NYAP2: variants seen among roughly 807,000 people sequenced by gnomAD.
NYAP2 encodes neuronal tyrosine-phosphorylated phosphoinositide-3-kinase adaptor 2.
A neutral mutation model predicts 50.4 loss-of-function variants in NYAP2; 23 were observed. That is an observed-to-expected ratio of 0.46 (90% CI 0.33 to 0.65). The LOEUF is 0.65. NYAP2 is among the 30% of genes least tolerant of loss of function. The pLI is 0.02. For missense variants in NYAP2, 885 were observed against 861.0 expected, an observed-to-expected ratio of 1.03 and a Z score of -0.35; for synonymous variants, 394 against 365.2, an observed-to-expected ratio of 1.08 and a Z score of -0.90.
At chr2:225,414,416 G>T (rs1029998367) in intron 3 of NYAP2, among the ~76,000 whole-genome samples, 1 of 152,088 alleles carries the variant, frequency 6.6e-6, no homozygotes, top group Non-Finnish European at 1.5e-5. Context: ...TGTTAAATGA[G>T]ATTTACTTTT....
chr2:225,409,225 CAT>C (rs1694991719), intron 3 of NYAP2, 124 bp downstream of exon 3: 1 of 639,338 alleles, frequency 1.6e-6, no homozygotes, highest in African/African-American at 1.9e-5. Context: ...TTGGTGAGAG[CAT>C]ATGAAAGCGA....
At chr2:225,655,941 C>CACAT (rs1209890741), downstream of NYAP2, among the ~76,000 whole-genome samples, 11 of 149,930 alleles carry the variant, frequency 7.3e-5, no homozygotes, top group Non-Finnish European at 3.0e-5. Flanking sequence ...CACACATACA[C>CACAT]ACACACACAC....
At chr2:225,565,108 G>A (rs1691939805) in intron 4 of NYAP2, among the ~76,000 whole-genome samples, 1 of 151,086 alleles carries the variant, frequency 6.6e-6, no homozygotes, top group Non-Finnish European at 1.5e-5. Flanking sequence ...TCCAGACTGA[G>A]CGACAGAGCA....
intron 4 of NYAP2, among the ~76,000 whole-genome samples, chr2:225,552,585 C>G (rs1425321697): frequency 6.6e-6 from 1 of 152,134 alleles, no homozygotes; most frequent in African/African-American, 2.4e-5. Context: ...CTGCTCTCTA[C>G]TGTGTGAGGA....
chr2:225,620,472 C>T (rs947604701), intron 5 of NYAP2, among the ~76,000 whole-genome samples: 96 of 149,836 alleles, frequency 6.4e-4, no homozygotes, highest in African/African-American at 2.2e-3. Context: ...CGCATGCACA[C>T]GCACACGCAC....
At chr2:225,482,921 G>A (rs1690230729) in intron 3 of NYAP2, among the ~76,000 whole-genome samples, 1 of 152,078 alleles carries the variant, frequency 6.6e-6, no homozygotes, top group African/African-American at 2.4e-5. Flanking sequence ...ATTATTTCAG[G>A]GATTTTGTGG....
intron 2 of NYAP2, among the ~76,000 whole-genome samples, chr2:225,402,011 T>C (rs1038948579): frequency 1.3e-5 from 2 of 152,072 alleles, no homozygotes; most frequent in Admixed American, 1.3e-4. Context: ...AATGTTCTCA[T>C]TTATTTTATA....
At chr2:225,639,202 G>T (rs1693481676) in intron 6 of NYAP2, among the ~76,000 whole-genome samples, 1 of 152,112 alleles carries the variant, frequency 6.6e-6, no homozygotes, top group South Asian at 2.1e-4. Flanking sequence ...ATAAGATCCT[G>T]TATGTTCAAA....
intron 5 of NYAP2, among the ~76,000 whole-genome samples, chr2:225,591,942 T>C (rs1160531795): frequency 6.6e-6 from 1 of 152,158 alleles, no homozygotes; most frequent in Admixed American, 6.5e-5. Context: ...AAAACTCACT[T>C]TGGAATATCC....
At chr2:225,414,784 GC>G (rs950257543) in intron 3 of NYAP2, among the ~76,000 whole-genome samples, 27 of 152,246 alleles carry the variant, frequency 1.8e-4, no homozygotes, top group African/African-American at 6.0e-4. Flanking sequence ...TGCTAAATGT[GC>G]AAAAAGTCCC....
chr2:225,622,586 C>CT lies in NYAP2; in HGVS notation c.1619-4319dup, dbSNP rs1352919888. Among the ~76,000 whole-genome samples, 953 of 103,602 alleles carry CT rather than the reference C, an allele frequency of 9.2e-3. 11 individuals are homozygous for CT. Among genetic ancestry groups the CT allele is most frequent in the Admixed American group, 0.014 (132 of 9,288 alleles). The allele number at this position is 103,602 out of a possible 152,430, so 68.0% of individuals were successfully genotyped here. ...TTCTTTCTTTCTTTCTTTCTTCTTT[C>CT]TTTTTTTTTTTTAGACAAAGTCTCG... is the stretch of plus-strand genomic sequence containing the variant. On this transcript the variant is annotated intron_variant, in intron 5 of 6. Transcript: ENST00000636099.
At chr2:225,532,439 A>C (rs1691274540) in intron 4 of NYAP2, among the ~76,000 whole-genome samples, 1 of 152,196 alleles carries the variant, frequency 6.6e-6, no homozygotes, top group Admixed American at 6.5e-5. Context: ...GCAGTGATTT[A>C]AGACCTGCTT....
At chr2:225,476,445 A>G (rs927872912) in intron 3 of NYAP2, among the ~76,000 whole-genome samples, 4 of 152,064 alleles carry the variant, frequency 2.6e-5, no homozygotes, top group African/African-American at 9.7e-5. Context: ...CTTAAAAAAT[A>G]TGCCAGGTTT....
exon 6 of NYAP2, chr2:225,627,040 A>T: frequency 6.3e-7 from 1 of 1,597,662 alleles, no homozygotes; most frequent in Non-Finnish European, 8.5e-7. Context: ...CAGGAATGGG[A>T]TGGAACACCA....
Position 225,518,550 on chromosome 2 carries a change from ATATATATATATATATAT to A in NYAP2, c.523+4879_523+4895del, listed in dbSNP as rs1559202488. ...TATATATATATATATATATATATAT[ATATATATATATATATAT>A]ATTAGCGTGTGCGCTTATATATATA... On this transcript the variant is annotated intron_variant, in intron 4 of 6. Coordinates refer to ENST00000636099, the Ensembl canonical transcript of NYAP2. Among the ~76,000 whole-genome samples the A allele has an allele frequency of 1.1e-3, 85 of 80,916 alleles. 5 individuals are homozygous for A. Among genetic ancestry groups the A allele is most frequent in the Non-Finnish European group, 1.5e-3 (61 of 40,434 alleles). 53.1% of individuals were successfully genotyped at this position (80,916 alleles called of 152,430 possible).
At chr2:225,470,704 C>T (rs1201038755) in intron 3 of NYAP2, among the ~76,000 whole-genome samples, 3 of 152,114 alleles carry the variant, frequency 2.0e-5, no homozygotes, top group African/African-American at 7.2e-5. Context: ...GGTTAAAAAA[C>T]AAAAGCAAGA....
exon 7 of NYAP2, chr2:225,652,838 T>A (rs1693759173): frequency 6.6e-6 from 1 of 152,230 alleles, no homozygotes; most frequent in Non-Finnish European, 1.5e-5. Flanking sequence ...ACATTGTGCC[T>A]CTTAGTGTTT....
the NYAP2 span, among the ~76,000 whole-genome samples, chr2:225,659,158 G>A: frequency 6.6e-6 from 1 of 152,198 alleles, no homozygotes. Context: ...TGGACTCTGA[G>A]GATGCCTGTT....
At chr2:225,601,849 C>T (rs1303922194) in intron 5 of NYAP2, among the ~76,000 whole-genome samples, 1 of 152,160 alleles carries the variant, frequency 6.6e-6, no homozygotes, top group Non-Finnish European at 1.5e-5. Flanking sequence ...GTTGCCTTTT[C>T]ACTCTGCTGA....
Sources: gnomAD v4.1 joint callset for allele counts (sites outside exome capture counted in the v4.1 genomes callset) on GRCh38, gnomAD v4.1.1 for gene constraint, MANE v1.5 for transcripts, NCBI Gene and HGNC (gene_info 2026-07-23, HGNC 2026-07-21) for gene names.